Variants in AAR2 observed in about 807,000 individuals in gnomAD.
AAR2 encodes the protein protein AAR2 homolog.
AAR2 carries 31 observed loss-of-function variants against 26.9 expected under a neutral mutation model. The ratio of observed to expected loss-of-function variants is 1.15; its 90% CI spans 0.86 to 1.55. The LOEUF is 1.55. Ranked by LOEUF, AAR2 falls within the 40% of genes most tolerant of loss-of-function variation. The probability of loss-of-function intolerance (pLI) is 0.00; values close to 1 mark genes in which losing one functional copy is unlikely to be tolerated. For synonymous variants in AAR2, 188 were observed against 196.1 expected, an observed-to-expected ratio of 0.96 and a Z score of 0.34; for missense variants, 430 against 491.3, an observed-to-expected ratio of 0.88 and a Z score of 1.18.
In AAR2 at chr20:36,255,917, A is replaced by G. The variant is rs2064817355; in HGVS notation, c.*172A>G. On this transcript the variant is annotated 3_prime_UTR_variant, in exon 4 of 4. Transcript: ENST00000320849. ...TGATAAATATATTTCTTCATTGCCA[A>G]AGAGGCTGTACCCATCCTGAAGGCA... 1 of 923,502 alleles carries G rather than the reference A, an allele frequency of 1.1e-6. No individual in the cohort carries two copies. The highest frequency in any genetic ancestry group is 2.9e-5 in the Admixed American group (1 of 34,028). The allele number at this position is 923,502 out of a possible 1,614,324, so 57.2% of individuals were successfully genotyped here.
chr20:36,241,557 C>G (rs140073375), intron 2 of AAR2, among the ~76,000 whole-genome samples: 1 of 152,028 alleles, frequency 6.6e-6, no homozygotes, highest in African/African-American at 2.4e-5. Flanking sequence ...GAGGCTGAGG[C>G]CGGTGGGGAT....
At chr20:36,239,490 T>C (rs1451074523) in intron 1 of AAR2, among the ~76,000 whole-genome samples, 3 of 152,214 alleles carry the variant, frequency 2.0e-5, no homozygotes, top group Non-Finnish European at 4.4e-5. Context: ...TGAGAAGATA[T>C]TAAGAATGGA....
chr20:36,255,752 G>A lies in AAR2; in HGVS notation c.*7G>A. Reference sequence around the variant, plus strand: ...GGGCATCGAGATGGGCTAACTCGGGGAGCGCTCTCAGCTGCGAGGGGCCCC... The same window carrying A: ...GGGCATCGAGATGGGCTAACTCGGGAAGCGCTCTCAGCTGCGAGGGGCCCC... On this transcript the variant is annotated 3_prime_UTR_variant, in exon 4 of 4. Coordinates refer to ENST00000320849, the MANE Select transcript of AAR2 (RefSeq NM_001271874.2). 1 of 1,614,048 alleles carries A rather than the reference G, an allele frequency of 6.2e-7. No homozygotes were observed. The highest frequency in any genetic ancestry group is 8.5e-7 in the Non-Finnish European group (1 of 1,179,958).
rs777741724 is a variant in AAR2 at position 36,240,588 on chromosome 20, C to T, written c.720C>T (p.Leu240=). The change falls in exon 2 of 4, where the codon CTC becomes CTT. Residue 240 remains leucine, a synonymous_variant. Coordinates refer to ENST00000320849, the MANE Select transcript of AAR2 (RefSeq NM_001271874.2). The part of the protein sequence containing the change: ...MDLSYALETV[L]NKQFPSSPQD... ...TGAGCTATGCCCTGGAGACTGTGCT[C>T]AACAAGCAGTTCCCCAGCAGCCCCC... 1 of 1,612,550 alleles carries T rather than the reference C, an allele frequency of 6.2e-7. No homozygotes were observed.
At position 36,239,856 on chromosome 20, in the gene AAR2, C is replaced by A; in HGVS notation, c.-13C>A. On this transcript the variant is annotated 5_prime_UTR_variant, in exon 2 of 4. Coordinates refer to ENST00000320849, the MANE Select transcript of AAR2 (RefSeq NM_001271874.2). The stretch of plus-strand genomic sequence containing the variant: ...AAGAAAAAGGGTTCTTTTGGTCACC[C>A]ACCACTGGCCCCATGGCTGCCGTGC... The A allele has an allele frequency of 6.5e-7, 1 of 1,550,218 alleles. No individual in the cohort carries two copies.
intron 1 of AAR2, among the ~76,000 whole-genome samples, chr20:36,237,454 C>A (rs1452065859): frequency 1.3e-5 from 2 of 152,118 alleles, no homozygotes; most frequent in African/African-American, 4.8e-5. Context: ...CTGTGAGGAA[C>A]TCACAGAGCT....
At chr20:36,242,497 TCTCCTGCCTCAGC>T (rs2064693598) in intron 2 of AAR2, among the ~76,000 whole-genome samples, 1 of 151,876 alleles carries the variant, frequency 6.6e-6, no homozygotes, top group Admixed American at 6.6e-5. Flanking sequence ...TTCACGCCAT[TCTCCTGCCTCAGC>T]CTCCTGAGTA....
At position 36,255,746 on chromosome 20, in the gene AAR2, C is replaced by T. The variant is rs140898327; in HGVS notation, c.*1C>T. 8.1e-6 allele frequency: 13 copies of T among 1,614,002 alleles called. No homozygotes were observed. The highest frequency in any genetic ancestry group is 1.1e-5 in the Non-Finnish European group (13 of 1,180,020). ...CCCTGAGGGCATCGAGATGGGCTAA[C>T]TCGGGGAGCGCTCTCAGCTGCGAGG... On this transcript the variant is annotated 3_prime_UTR_variant, in exon 4 of 4. Transcript: ENST00000320849.
At position 36,240,017 on chromosome 20, in the gene AAR2, T is replaced by A. The variant is rs759410895; in HGVS notation, c.149T>A (p.Met50Lys). ...GGGCCCAAGTTCCGGGGCGTGAAGATGATCCCTCCAGGCATCCACTTCCTC... is the reference window on the plus strand; with the variant it reads ...GGGCCCAAGTTCCGGGGCGTGAAGAAGATCCCTCCAGGCATCCACTTCCTC... ...EVGPKFRGVKMIPPGIHFLHY... is the reference protein window; with the variant it reads ...EVGPKFRGVKKIPPGIHFLHY... Residue 50 changes from methionine (M) to lysine (K), a missense_variant, in exon 2 of 4, where the codon ATG becomes AAG. Coordinates refer to ENST00000320849, the MANE Select transcript of AAR2 (RefSeq NM_001271874.2). 6.2e-7 allele frequency: 1 copy of A among 1,614,220 alleles called. No individual in the cohort carries two copies. The highest frequency in any genetic ancestry group is 1.7e-5 in the Admixed American group (1 of 60,026).
At chr20:36,244,041 A>G (rs1053244284) in intron 2 of AAR2, among the ~76,000 whole-genome samples, 3 of 152,260 alleles carry the variant, frequency 2.0e-5, no homozygotes, top group African/African-American at 7.2e-5. Context: ...GTTCCCACCC[A>G]ATGGAGAATC....
chr20:36,239,840 G>C lies in AAR2; in HGVS notation c.-29G>C. ...TCTCAGCTGTTCATCAAAGAAAAAG[G>C]GTTCTTTTGGTCACCCACCACTGGC... On this transcript the variant is annotated 5_prime_UTR_variant, in exon 2 of 4. Coordinates refer to ENST00000320849, the MANE Select transcript of AAR2 (RefSeq NM_001271874.2). 1.3e-6 allele frequency: 2 copies of C among 1,526,140 alleles called. No individual in the cohort carries two copies. Among genetic ancestry groups the C allele is most frequent in the South Asian group, 2.6e-5 (2 of 77,392 alleles). 94.5% of individuals were successfully genotyped at this position (1,526,140 alleles called of 1,614,324 possible).
intron 3 of AAR2, among the ~76,000 whole-genome samples, chr20:36,248,232 G>A (rs1337572401): frequency 1.3e-5 from 2 of 152,024 alleles, no homozygotes; most frequent in African/African-American, 4.8e-5. Flanking sequence ...TGCATGAGAT[G>A]TGCTTGCTGA....
chr20:36,237,309 G>A (rs948486599), intron 1 of AAR2, among the ~76,000 whole-genome samples: 5 of 152,204 alleles, frequency 3.3e-5, no homozygotes, highest in African/African-American at 1.2e-4. Context: ...TGATTAGATT[G>A]GCATTTTGAA....
At position 36,240,282 on chromosome 20, in the gene AAR2, C is replaced by T. The variant is rs751882156; in HGVS notation, c.414C>T (p.Asn138=). Residue 138 remains asparagine, a synonymous_variant, in exon 2 of 4, where the codon AAC becomes AAT. Transcript: ENST00000320849. ...TGAAGAAGTGGATCTCACTCACCAA[C>T]TTCATCAGCGAAGCCACAGTGGAGA... is the stretch of plus-strand genomic sequence containing the variant. ...ATLKKWISLT[N]FISEATVEKL... 6.2e-7 allele frequency: 1 copy of T among 1,614,238 alleles called. No homozygotes were observed.
At chr20:36,250,805 G>GTA (rs1238852044) in intron 3 of AAR2, among the ~76,000 whole-genome samples, 3 of 151,844 alleles carry the variant, frequency 2.0e-5, no homozygotes, top group South Asian at 2.1e-4. Context: ...TTGCATGGGG[G>GTA]TATATATATA....
intron 3 of AAR2, among the ~76,000 whole-genome samples, chr20:36,255,315 C>A (rs549945843): frequency 6.6e-6 from 1 of 152,332 alleles, no homozygotes; most frequent in East Asian, 1.9e-4. Context: ...TCCAGTAGAA[C>A]CCCCCAGGGG....
intron 3 of AAR2, among the ~76,000 whole-genome samples, chr20:36,247,151 T>C (rs559633870): frequency 6.6e-6 from 1 of 152,350 alleles, no homozygotes; most frequent in Admixed American, 6.5e-5. Context: ...AGCAGACTCT[T>C]GTATTTTGAG....
At chr20:36,254,956 C>T (rs2147301201) in intron 3 of AAR2, among the ~76,000 whole-genome samples, 1 of 152,304 alleles carries the variant, frequency 6.6e-6, no homozygotes, top group Middle Eastern at 3.4e-3. Flanking sequence ...CATGTAATTT[C>T]TTGAATACTG....
chr20:36,254,372 A>T (rs1017269802), intron 3 of AAR2, among the ~76,000 whole-genome samples: 6 of 152,250 alleles, frequency 3.9e-5, no homozygotes, highest in African/African-American at 1.4e-4. Flanking sequence ...GATTCCACTT[A>T]GATGAGGTGC....
Sources: allele counts gnomAD v4.1 joint callset (sites outside exome capture counted in the v4.1 genomes callset), GRCh38; gene constraint gnomAD v4.1.1; transcripts MANE v1.5; gene names NCBI Gene and HGNC (gene_info 2026-07-23, HGNC 2026-07-21).